The following CCSER1 variants were observed in gnomAD, a reference collection of about 807,000 sequenced individuals.
CCSER1 encodes serine-rich coiled-coil domain-containing protein 1.
A neutral mutation model predicts 82.0 loss-of-function variants in CCSER1; 41 were observed. The observed-to-expected ratio is 0.50, with a 90% CI of 0.39 to 0.65. The LOEUF (loss-of-function observed/expected upper bound fraction) is 0.65, where lower values mean the gene tolerates loss of function less well. CCSER1 is among the 30% of genes least tolerant of loss of function. The pLI, the probability that CCSER1 is intolerant of heterozygous loss-of-function variation, is 0.00. For synonymous variants in CCSER1, 414 were observed against 383.9 expected, an observed-to-expected ratio of 1.08 and a Z score of -0.92; for missense variants, 1,119 against 1,064.2, an observed-to-expected ratio of 1.05 and a Z score of -0.72.
intron 1 of CCSER1, among the ~76,000 whole-genome samples, chr4:90,290,343 A>G (rs975150307): frequency 6.6e-6 from 1 of 151,914 alleles, no homozygotes; most frequent in Non-Finnish European, 1.5e-5. Flanking sequence ...ACTATATGCT[A>G]GGAAATATAT....
chr4:91,139,190 A>G (rs1478683980), intron 10 of CCSER1, among the ~76,000 whole-genome samples: 1 of 152,078 alleles, frequency 6.6e-6, no homozygotes, highest in Admixed American at 6.6e-5. Context: ...TGCTGAATCC[A>G]TGTTGCTGTA....
chr4:91,432,828 T>C (rs1038811947), intron 10 of CCSER1, among the ~76,000 whole-genome samples: 2 of 152,200 alleles, frequency 1.3e-5, no homozygotes, highest in Non-Finnish European at 2.9e-5. Context: ...GTAGTCATTT[T>C]TAATTTTTAT....
intron 10 of CCSER1, among the ~76,000 whole-genome samples, chr4:91,152,000 C>T (rs1416167849): frequency 6.6e-6 from 1 of 152,146 alleles, no homozygotes; most frequent in Non-Finnish European, 1.5e-5. Flanking sequence ...CCACTTAGTG[C>T]AGAGCTGAGT....
chr4:91,095,007 C>G (rs1022336063), intron 10 of CCSER1, among the ~76,000 whole-genome samples: 2 of 152,112 alleles, frequency 1.3e-5, no homozygotes, highest in East Asian at 1.9e-4. Flanking sequence ...GGCAGAAAAC[C>G]TGCTTGGCGG....
intron 10 of CCSER1, among the ~76,000 whole-genome samples, chr4:91,287,761 A>G (rs1042802116): frequency 9.2e-5 from 14 of 151,942 alleles, no homozygotes; most frequent in Non-Finnish European, 1.6e-4. Context: ...TTTAAGTGGC[A>G]TGATAAAATC....
At chr4:91,292,460 C>CA (rs770537038) in intron 10 of CCSER1, among the ~76,000 whole-genome samples, 3 of 151,482 alleles carry the variant, frequency 2.0e-5, no homozygotes, top group Admixed American at 6.6e-5. Context: ...TCAGACAACC[C>CA]AAAATAAGCT....
At chr4:90,967,148 A>T (rs1399804935) in intron 9 of CCSER1, among the ~76,000 whole-genome samples, 1 of 152,046 alleles carries the variant, frequency 6.6e-6, no homozygotes, top group Non-Finnish European at 1.5e-5. Flanking sequence ...TCTCAATGGT[A>T]AAAGGAAAGT....
chr4:90,297,950 A>C (rs1291372685), intron 1 of CCSER1, among the ~76,000 whole-genome samples: 1 of 152,048 alleles, frequency 6.6e-6, no homozygotes, highest in Non-Finnish European at 1.5e-5. Context: ...TTGGTCTAAA[A>C]TTCTCTTTTT....
chr4:90,406,638 C>T (rs776520248), intron 4 of CCSER1, among the ~76,000 whole-genome samples: 11 of 152,010 alleles, frequency 7.2e-5, no homozygotes, highest in Non-Finnish European at 1.5e-4. Flanking sequence ...TTAAGGAAAT[C>T]GAAATTATAT....
intron 7 of CCSER1, among the ~76,000 whole-genome samples, chr4:90,799,341 C>T (rs759080315): frequency 6.6e-5 from 10 of 152,186 alleles, no homozygotes; most frequent in East Asian, 1.9e-4. Flanking sequence ...TGGCAGTTGG[C>T]GGAGGGTGGG....
intron 5 of CCSER1, among the ~76,000 whole-genome samples, chr4:90,519,488 A>G (rs527665810): frequency 6.6e-6 from 1 of 151,960 alleles, no homozygotes; most frequent in South Asian, 2.1e-4. Flanking sequence ...TTACATAGGG[A>G]AGAATAAAAA....
At chr4:90,219,575 A>G (rs890701992) in intron 1 of CCSER1, among the ~76,000 whole-genome samples, 2 of 152,126 alleles carry the variant, frequency 1.3e-5, no homozygotes, top group African/African-American at 4.8e-5. Flanking sequence ...AAGTATATTT[A>G]TCTGTCTCAC....
chr4:91,067,922 A>T (rs1351526413), intron 9 of CCSER1, among the ~76,000 whole-genome samples: 2 of 152,204 alleles, frequency 1.3e-5, no homozygotes, highest in Non-Finnish European at 2.9e-5. Context: ...AAGTAATATC[A>T]TTTAAGTTAA....
At chr4:90,916,227 A>G (rs904186283) in intron 8 of CCSER1, among the ~76,000 whole-genome samples, 3 of 152,170 alleles carry the variant, frequency 2.0e-5, no homozygotes, top group African/African-American at 7.2e-5. Context: ...AACCAAAAGA[A>G]CAAAGCTGGA....
At chr4:90,745,118 A>G (rs925344710) in intron 7 of CCSER1, among the ~76,000 whole-genome samples, 1 of 152,188 alleles carries the variant, frequency 6.6e-6, no homozygotes. Context: ...TCTCATGGAA[A>G]GAAAATCAAT....
chr4:91,218,021 G>A (rs1034480519), intron 10 of CCSER1, among the ~76,000 whole-genome samples: 2 of 152,238 alleles, frequency 1.3e-5, no homozygotes, highest in Non-Finnish European at 2.9e-5. Context: ...GGAGCAGGGG[G>A]TGGTGCTTGT....
At chr4:90,721,181 A>AGAG (rs1025881455) in intron 6 of CCSER1, among the ~76,000 whole-genome samples, 3 of 151,904 alleles carry the variant, frequency 2.0e-5, no homozygotes, top group Non-Finnish European at 1.5e-5. Context: ...ATAGAAAGGG[A>AGAG]GAGGTGACCA....
At chr4:91,430,666 A>G (rs1231170207) in intron 10 of CCSER1, among the ~76,000 whole-genome samples, 1 of 151,320 alleles carries the variant, frequency 6.6e-6, no homozygotes, top group Non-Finnish European at 1.5e-5. Context: ...ATGGCAAAAC[A>G]AAGAATATCA....
chr4:90,615,077 G>C (rs1720929297), intron 5 of CCSER1, among the ~76,000 whole-genome samples: 1 of 152,150 alleles, frequency 6.6e-6, no homozygotes, highest in South Asian at 2.1e-4. Flanking sequence ...ACGAAGCATA[G>C]ATGACAACAC....
Sources: gnomAD v4.1 joint callset for allele counts (sites outside exome capture counted in the v4.1 genomes callset) on GRCh38, gnomAD v4.1.1 for gene constraint, MANE v1.5 for transcripts, NCBI Gene and HGNC (gene_info 2026-07-23, HGNC 2026-07-21) for gene names.